The following STAM variants were observed in gnomAD, a reference collection of about 807,000 sequenced individuals.
STAM encodes signal transducing adaptor molecule, also known as signal transducing adapter molecule 1.
STAM carries 16 observed loss-of-function variants against 63.4 expected under a neutral mutation model. That is an observed-to-expected ratio of 0.25 (90% confidence interval 0.17 to 0.38). STAM has a LOEUF of 0.38. Among genes scored for constraint, STAM ranks in the 10% least tolerant of loss-of-function variants. The probability of loss-of-function intolerance (pLI) is 1.00; values close to 1 mark genes in which losing one functional copy is unlikely to be tolerated. For missense variants in STAM, 636 were observed against 657.1 expected (o/e 0.97, Z 0.35); for synonymous variants, 238 against 223.9 (o/e 1.06, Z -0.56).
chr10:17,667,107 G>C (rs1171306320), intron 2 of STAM, among the ~76,000 whole-genome samples: 1 of 147,290 alleles, frequency 6.8e-6, no homozygotes, highest in Non-Finnish European at 1.5e-5. Context: ...AATAGCGGAA[G>C]TGTTCCAGCA....
chr10:17,673,116 C>T (rs2131607539), intron 2 of STAM: 4 of 814,012 alleles, frequency 4.9e-6, no homozygotes, highest in East Asian at 1.2e-4. Flanking sequence ...CTTCTAAGTG[C>T]ACGTGCAGAT....
Position 17,700,233 on chromosome 10 carries a change from A to G in STAM, c.866A>G (p.Gln289Arg), listed in dbSNP as rs1554828182. Residue 289 changes from glutamine (Q) to arginine (R), a missense_variant, in exon 9 of 14, where the codon CAG becomes CGG. By Grantham distance (43) the Gln-to-Arg change is conservative (BLOSUM62 1). Coordinates refer to ENST00000377524, the MANE Select transcript of STAM (RefSeq NM_003473.4). Reference sequence around the variant, plus strand: ...ACGGTACAATTTAGTGATGATGTTCAGGTAGAGACAATAGAACCAGAGCCG... The same window carrying G: ...ACGGTACAATTTAGTGATGATGTTCGGGTAGAGACAATAGAACCAGAGCCG... ...KKTVQFSDDVQVETIEPEPEP... is the reference protein window; with the variant it reads ...KKTVQFSDDVRVETIEPEPEP... 1.2e-6 allele frequency: 2 copies of G among 1,610,342 alleles called. No individual in the cohort carries two copies. Among genetic ancestry groups the G allele is most frequent in the Non-Finnish European group, 8.5e-7 (1 of 1,178,178 alleles).
chr10:17,644,414 C>G (rs932774157), intron 1 of STAM, 35 bp downstream of exon 1: 3 of 1,613,462 alleles, frequency 1.9e-6, no homozygotes, highest in Non-Finnish European at 1.7e-6. Context: ...CCATTCCTCA[C>G]CGGACTGCAC....
At chr10:17,711,781 A>T (rs1190364480) in intron 13 of STAM, among the ~76,000 whole-genome samples, 1 of 152,176 alleles carries the variant, frequency 6.6e-6, no homozygotes, top group Non-Finnish European at 1.5e-5. Flanking sequence ...GACACTGCCA[A>T]GGTCGAAGAA....
chr10:17,651,017 A>G (rs1833718801), intron 1 of STAM, among the ~76,000 whole-genome samples: 1 of 148,826 alleles, frequency 6.7e-6, no homozygotes, highest in East Asian at 2.0e-4. Context: ...GTGAGCCAAG[A>G]TCACACCACT....
intron 2 of STAM, among the ~76,000 whole-genome samples, chr10:17,675,783 C>T (rs927460187): frequency 2.0e-5 from 3 of 150,996 alleles, no homozygotes; most frequent in Admixed American, 6.7e-5. Flanking sequence ...TAACAGAGTT[C>T]TTTGGTACCT....
intron 13 of STAM, among the ~76,000 whole-genome samples, chr10:17,711,889 C>CT (rs1836572351): frequency 6.6e-6 from 1 of 152,160 alleles, no homozygotes; most frequent in Non-Finnish European, 1.5e-5. Flanking sequence ...AGATTAGAAG[C>CT]TGGGAGACCA....
intron 8 of STAM, among the ~76,000 whole-genome samples, chr10:17,699,001 T>C (rs540841249): frequency 2.0e-5 from 3 of 152,296 alleles, no homozygotes; most frequent in East Asian, 1.9e-4. Context: ...ATTTCTTAGG[T>C]TGGAAATTAA....
intron 2 of STAM, among the ~76,000 whole-genome samples, chr10:17,678,604 T>C (rs1287100167): frequency 6.6e-6 from 1 of 152,238 alleles, no homozygotes; most frequent in Non-Finnish European, 1.5e-5. Context: ...CTTGTATTAG[T>C]ACTTATTTTA....
At chr10:17,704,639 C>T (rs1206652812) in intron 10 of STAM, 121 bp downstream of exon 10, 33 of 845,602 alleles carry the variant, frequency 3.9e-5, no homozygotes, top group Non-Finnish European at 6.0e-5. Flanking sequence ...TTCTCCTTGA[C>T]CCAGGCTCAC....
At chr10:17,664,375 T>C (rs542967767) in intron 2 of STAM, among the ~76,000 whole-genome samples, 24 of 152,274 alleles carry the variant, frequency 1.6e-4, no homozygotes, top group Admixed American at 1.4e-3. Flanking sequence ...CCAGAACTTA[T>C]CCATCATCCC....
chr10:17,669,993 G>A (rs1834570158), intron 2 of STAM, among the ~76,000 whole-genome samples: 2 of 148,350 alleles, frequency 1.3e-5, no homozygotes, highest in African/African-American at 5.0e-5. Flanking sequence ...GCCTCCCAAA[G>A]TGCTGGGATC....
chr10:17,663,358 T>G (rs1469344036), intron 2 of STAM, among the ~76,000 whole-genome samples: 1 of 152,146 alleles, frequency 6.6e-6, no homozygotes, highest in African/African-American at 2.4e-5. Context: ...TAGTTTTTCA[T>G]ATTTATTTTT....
chr10:17,702,352 A>G (rs958383119), intron 9 of STAM, among the ~76,000 whole-genome samples: 5 of 152,212 alleles, frequency 3.3e-5, no homozygotes, highest in Non-Finnish European at 2.9e-5. Context: ...GAGTAGAAAT[A>G]TGATAAGTTC....
intron 1 of STAM, among the ~76,000 whole-genome samples, chr10:17,644,914 A>G (rs1833461324): frequency 6.6e-6 from 1 of 152,162 alleles, no homozygotes; most frequent in African/African-American, 2.4e-5. Context: ...TGAAGATGAA[A>G]TACTTGGCAA....
chr10:17,649,181 A>T (rs1201569895), intron 1 of STAM, among the ~76,000 whole-genome samples: 3 of 152,162 alleles, frequency 2.0e-5, no homozygotes, highest in African/African-American at 7.2e-5. Context: ...AGGCAGGAGG[A>T]TTCCTTGAGG....
chr10:17,707,649 T>C (rs1381863391), intron 12 of STAM, among the ~76,000 whole-genome samples: 2 of 152,010 alleles, frequency 1.3e-5, no homozygotes, highest in Non-Finnish European at 2.9e-5. Context: ...TTTCGAAGAA[T>C]GACAAAATAA....
rs1282444042 is a variant in STAM at position 17,644,326 on chromosome 10, G to C, written c.-14G>C. On this transcript the variant is annotated 5_prime_UTR_variant, in exon 1 of 14. Coordinates refer to ENST00000377524, the MANE Select transcript of STAM (RefSeq NM_003473.4). ...GAGAGGGAGTCCCCGGGGACACCTC[G>C]GCACGCAGCGGAGATGCCTCTTTTT... 2.5e-6 allele frequency: 4 copies of C among 1,614,048 alleles called. No individual in the cohort carries two copies. The Middle Eastern group carries it at 5.0e-4, about 200-fold the overall frequency.
Position 17,705,752 on chromosome 10 carries a change from A to C in STAM, c.1209+11A>C, listed in dbSNP as rs1456373099. The C allele has an allele frequency of 6.2e-7, 1 of 1,609,222 alleles. No individual in the cohort carries two copies. The highest frequency in any genetic ancestry group is 8.5e-7 in the Non-Finnish European group (1 of 1,178,338). ...GTTTCTGGTTCTCAGGTAAGCTTTTAGAAGCCCATGTTGTTTTAAATTCTC... is the reference window on the plus strand; with the variant it reads ...GTTTCTGGTTCTCAGGTAAGCTTTTCGAAGCCCATGTTGTTTTAAATTCTC... On this transcript the variant is annotated intron_variant, in intron 12 of 13. Transcript: ENST00000377524.
Sources: allele counts gnomAD v4.1 joint callset (sites outside exome capture counted in the v4.1 genomes callset), GRCh38; gene constraint gnomAD v4.1.1; transcripts MANE v1.5; gene names NCBI Gene and HGNC (gene_info 2026-07-23, HGNC 2026-07-21).